The following BSN variants were observed in gnomAD, a reference collection of about 807,000 sequenced individuals.
BSN encodes the protein bassoon presynaptic cytomatrix protein.
BSN carries 57 observed loss-of-function variants against 264.8 expected under a neutral mutation model. The observed-to-expected ratio is 0.22, with a 90% confidence interval of 0.17 to 0.27. BSN has a LOEUF of 0.27. BSN is among the 10% of genes least tolerant of loss of function. The pLI, the probability that BSN is intolerant of heterozygous loss-of-function variation, is 1.00. For missense variants in BSN, 4,615 were observed against 5,232.5 expected, an observed-to-expected ratio of 0.88 and a Z score of 3.64; for synonymous variants, 2,059 against 2,137.3, an observed-to-expected ratio of 0.96 and a Z score of 1.01.
chr3:49,671,441 G>C lies in BSN; in HGVS notation c.*3956G>C, dbSNP rs996628727. 1 of 152,584 alleles carries C rather than the reference G, an allele frequency of 6.6e-6. No individual in the cohort carries two copies. Among genetic ancestry groups the C allele is most frequent in the Admixed American group, 6.5e-5 (1 of 15,274 alleles). The allele number at this position is 152,584 out of a possible 1,614,324, so 9.5% of individuals were successfully genotyped here. A position where few individuals can be genotyped will look rare whatever the true frequency, so the allele number is the denominator to read the frequency against. On this transcript the variant is annotated 3_prime_UTR_variant, in exon 12 of 12. Transcript: ENST00000296452. This position sits in a 1 kb window ranked among gnomAD's most constrained non-coding sequence, Gnocchi z 4.1. ...CACATGACCTTGTGAATTGTGTGCT[G>C]TCCTTCTGTGCTCTGTGAGAACTCG... is the stretch of plus-strand genomic sequence containing the variant.
At chr3:49,575,933 G>A (rs1341679734) in intron 1 of BSN, among the ~76,000 whole-genome samples, 3 of 151,806 alleles carry the variant, frequency 2.0e-5, no homozygotes, top group Non-Finnish European at 2.9e-5. Flanking sequence ...ATATACACAC[G>A]CATACTTTTT....
chr3:49,577,787 G>T (rs1002860024), intron 1 of BSN, among the ~76,000 whole-genome samples: 1 of 152,060 alleles, frequency 6.6e-6, no homozygotes, highest in African/African-American at 2.4e-5. Context: ...TAATCCACCC[G>T]CCTCGGCCTC....
In BSN at chr3:49,668,720, G is replaced by A. The variant is rs977661602; in HGVS notation, c.*1235G>A. The A allele has an allele frequency of 9.8e-5, 15 of 152,682 alleles. No individual in the cohort carries two copies. The highest frequency in any genetic ancestry group is 4.6e-4 in the Admixed American group (7 of 15,288). 9.5% of individuals were successfully genotyped at this position (152,682 alleles called of 1,614,324 possible). On this transcript the variant is annotated 3_prime_UTR_variant, in exon 12 of 12. Transcript: ENST00000296452. ...AGCCAAGGGAAAGGCCCAGAGCCCT[G>A]TGCGGGGGAATGTGGCACTGTCTAT...
At chr3:49,568,748 A>G (rs186624843) in intron 1 of BSN, among the ~76,000 whole-genome samples, 52 of 152,344 alleles carry the variant, frequency 3.4e-4, no homozygotes, top group African/African-American at 1.2e-3. Context: ...AAAGAAGCAC[A>G]GTGAGGAATC....
In BSN at chr3:49,631,426, T is replaced by G. The variant is rs570641546; in HGVS notation, c.633+6043T>G. Among the ~76,000 whole-genome samples, 11 of 151,872 alleles carry G rather than the reference T, an allele frequency of 7.2e-5. No homozygotes were observed. The South Asian group carries it at 2.3e-3, about 32-fold the overall frequency. On this transcript the variant is annotated intron_variant, in intron 2 of 11. Coordinates refer to ENST00000296452, the MANE Select transcript of BSN (RefSeq NM_003458.4). ...TACATGGTGCAAAGATACATGGTGG[T>G]GCATGCCTGTAGTCCCAAGTATTTG...
At chr3:49,648,880 A>C (rs145814395) in intron 3 of BSN, among the ~76,000 whole-genome samples, 1 of 152,224 alleles carries the variant, frequency 6.6e-6, no homozygotes, top group Non-Finnish European at 1.5e-5. Flanking sequence ...CCACTGCCCC[A>C]TTCCTCTGCC....
At chr3:49,566,580 T>A (rs2051753520) in intron 1 of BSN, among the ~76,000 whole-genome samples, 1 of 151,466 alleles carries the variant, frequency 6.6e-6, no homozygotes, top group Non-Finnish European at 1.5e-5. Context: ...AGCCCAGGAG[T>A]TTGAGACTAG....
At chr3:49,622,541 A>G (rs2052314242) in intron 1 of BSN, among the ~76,000 whole-genome samples, 1 of 152,226 alleles carries the variant, frequency 6.6e-6, no homozygotes, top group African/African-American at 2.4e-5. Context: ...ATTGCCTGCT[A>G]CTTATTGGGC....
At chr3:49,619,543 G>A (rs2052288048) in intron 1 of BSN, among the ~76,000 whole-genome samples, 1 of 152,196 alleles carries the variant, frequency 6.6e-6, no homozygotes, top group South Asian at 2.1e-4. Flanking sequence ...ACTTTTATGT[G>A]TGGCAGTTTT....
rs1257339643 is a variant in BSN at position 49,663,629 on chromosome 3, G to T, written c.11471G>T (p.Gly3824Val). ...ASQPAGKPQP[G>V]PSTATGPQPA... ...CAGCCTGCAGGGAAGCCTCAGCCAG[G>T]CCCCAGCACAGCCACAGGTCCTCAA... Residue 3824 changes from glycine (G) to valine (V), a missense_variant, in exon 7 of 12, where the codon GGC (glycine) becomes GTC (valine). Around this residue, in one of 3 missense-constraint regions of BSN, gnomAD observed 3,415 missense variants for 3,866.4 expected, o/e 0.88. Coordinates refer to ENST00000296452, the MANE Select transcript of BSN (RefSeq NM_003458.4). The T allele has an allele frequency of 6.8e-6, 11 of 1,608,604 alleles. No individual in the cohort carries two copies. The highest frequency in any genetic ancestry group is 1.7e-5 in the Admixed American group (1 of 59,530).
intron 1 of BSN, among the ~76,000 whole-genome samples, chr3:49,605,502 ATATATTATATAATATATATAT>A (rs1307661932): frequency 3.1e-4 from 2 of 6,406 alleles, no homozygotes; most frequent in African/African-American, 1.3e-3. Flanking sequence ...TATATATAAT[ATATATTATATAATATATATAT>A]AATATATAAT....
At chr3:49,605,894 T>TATATA (rs1346523259) in intron 1 of BSN, among the ~76,000 whole-genome samples, 1 of 53,292 alleles carries the variant, frequency 1.9e-5, no homozygotes, top group African/African-American at 7.6e-5. Context: ...ATAAATATAT[T>TATATA]TATGTCTATA....
Position 49,661,629 on chromosome 3 carries a change from A to T in BSN, c.9784A>T (p.Ser3262Cys). ...GCTGGAGCCCCTGGGGCCAGGCAGCAGTGGGCGTCCAGGGAAGGAGCCTGG... is the reference window on the plus strand; with the variant it reads ...GCTGGAGCCCCTGGGGCCAGGCAGCTGTGGGCGTCCAGGGAAGGAGCCTGG... ...QRLEPLGPGSSGRPGKEPGEP... is the reference protein window; with the variant it reads ...QRLEPLGPGSCGRPGKEPGEP... The change falls in exon 6 of 12, where the codon AGT (serine) becomes TGT (cysteine). Residue 3262 changes from serine to cysteine, a missense_variant. By Grantham distance (112) the Ser-to-Cys change is moderately radical. This residue lies in a region of BSN where 3,415 missense variants were observed against 3,866.4 expected (regional missense o/e 0.88). Coordinates refer to ENST00000296452, the MANE Select transcript of BSN (RefSeq NM_003458.4). The T allele has an allele frequency of 6.2e-7, 1 of 1,613,624 alleles. No homozygotes were observed. The highest frequency in any genetic ancestry group is 8.5e-7 in the Non-Finnish European group (1 of 1,180,042).
chr3:49,575,151 G>A (rs943159596), intron 1 of BSN, among the ~76,000 whole-genome samples: 3 of 151,852 alleles, frequency 2.0e-5, no homozygotes, highest in Non-Finnish European at 2.9e-5. Context: ...TTGAGTTGCC[G>A]AAGATCAGCC....
In BSN at chr3:49,654,007, C is replaced by T; in HGVS notation, c.4451C>T (p.Ser1484Phe). Residue 1484 changes from serine (S) to phenylalanine (F), a missense_variant, in exon 5 of 12, where the codon TCC (serine) becomes TTC (phenylalanine). This residue lies in a region of BSN where 3,415 missense variants were observed against 3,866.4 expected (regional missense o/e 0.88). Coordinates refer to ENST00000296452, the MANE Select transcript of BSN (RefSeq NM_003458.4). This position sits in a 1 kb window ranked among gnomAD's most constrained non-coding sequence, Gnocchi z 4.1. ...TCCAGCCCACCTCTCTCCCCGTCTT[C>T]CCCCTCAGAGAGTCCCACATTCTCC... ...ASSSPPLSPS[S>F]PSESPTFSPG... is the part of the protein sequence containing the mutation. The T allele has an allele frequency of 6.2e-7, 1 of 1,613,920 alleles. No individual in the cohort carries two copies. The highest frequency in any genetic ancestry group is 1.1e-5 in the South Asian group (1 of 91,074).
chr3:49,608,130 A>G (rs2052173300), intron 1 of BSN, among the ~76,000 whole-genome samples: 1 of 152,186 alleles, frequency 6.6e-6, no homozygotes, highest in African/African-American at 2.4e-5. Context: ...GAATCTAGAA[A>G]TGAACCCCCA....
intron 1 of BSN, among the ~76,000 whole-genome samples, chr3:49,584,128 A>G (rs1392545042): frequency 6.6e-6 from 1 of 151,810 alleles, no homozygotes; most frequent in African/African-American, 2.4e-5. Flanking sequence ...CTCGTGATCC[A>G]CCCACCTCGG....
In BSN at chr3:49,655,876, C is replaced by G; in HGVS notation, c.6320C>G (p.Ser2107Cys). The change falls in exon 5 of 12, where the codon TCC becomes TGC. Residue 2107 changes from serine to cysteine, a missense_variant. This residue lies in a region of BSN where 3,415 missense variants were observed against 3,866.4 expected (regional missense o/e 0.88). Coordinates refer to ENST00000296452, the MANE Select transcript of BSN (RefSeq NM_003458.4). ...EISRMCAALNSMDQYGGRHGS... is the reference protein window; with the variant it reads ...EISRMCAALNCMDQYGGRHGS... ...AGTCGCATGTGCGCTGCCCTCAACTCCATGGACCAGTATGGTGGGCGGCAT... is the reference window on the plus strand; with the variant it reads ...AGTCGCATGTGCGCTGCCCTCAACTGCATGGACCAGTATGGTGGGCGGCAT... 1.9e-6 allele frequency: 3 copies of G among 1,613,088 alleles called. No individual in the cohort carries two copies.
Position 49,652,054 on chromosome 3 carries a change from G to A in BSN, c.2498G>A (p.Arg833Gln), listed in dbSNP as rs368276734. 26 of 1,609,370 alleles carry A rather than the reference G, an allele frequency of 1.6e-5. No homozygotes were observed. Among genetic ancestry groups the A allele is most frequent in the East Asian group, 6.7e-5 (3 of 44,802 alleles). ...CCTCTTCCACCCCAGCCCCCAGCCC[G>A]GGCAGCAGAACTGACTGATGAGGAT... Reference protein sequence around the residue: ...LSPLPPQPPARAAELTDEDFM... With the variant: ...LSPLPPQPPAQAAELTDEDFM... Residue 833 changes from arginine (R) to glutamine (Q), a missense_variant, in exon 5 of 12, where the codon CGG (arginine) becomes CAG (glutamine). Physicochemically the swap from Arg to Gln is conservative, Grantham distance 43. Transcript: ENST00000296452.
Sources: gnomAD v4.1 joint callset for allele counts (sites outside exome capture counted in the v4.1 genomes callset) on GRCh38, gnomAD v4.1.1 for gene constraint, gnomAD v4.1.1 regional missense constraint, Gnocchi (gnomAD v3.1) non-coding constraint, MANE v1.5 for transcripts, NCBI Gene and HGNC (gene_info 2026-07-23, HGNC 2026-07-21) for gene names.